The following GSK3B variants were observed in gnomAD, a reference collection of about 807,000 sequenced individuals.
The protein encoded by GSK3B is glycogen synthase kinase 3 beta, also known as glycogen synthase kinase-3 beta.
In GSK3B, 15 loss-of-function variants were observed where a neutral mutation model predicts 56.4. That is an observed-to-expected ratio of 0.27 (90% confidence interval 0.18 to 0.41). The LOEUF is 0.41. GSK3B is among the 10% of genes least tolerant of loss of function. The pLI is 1.00. For missense variants in GSK3B, 300 were observed against 513.4 expected (o/e 0.58, Z 4.02); for synonymous variants, 181 against 188.9 (o/e 0.96, Z 0.34).
At position 120,079,344 on chromosome 3, in the gene GSK3B, ACACACAT is replaced by A. The variant is rs766107527; in HGVS notation, c.88+13996_88+14002del. ...CACACACACACACACACACACACACACACACATTTTTTTTTTTAATAAGTAGACTACT... is the reference window on the plus strand; with the variant it reads ...CACACACACACACACACACACACACATTTTTTTTTTAATAAGTAGACTACT... On this transcript the variant is annotated intron_variant, in intron 1 of 10. Transcript: ENST00000264235. 1.1e-4 allele frequency among the ~76,000 whole-genome samples: 14 copies of A among 126,096 alleles called. No homozygotes were observed. The East Asian group carries it at 1.4e-3, about 13-fold the overall frequency. 82.7% of individuals were successfully genotyped at this position (126,096 alleles called of 152,430 possible).
chr3:120,077,691 T>C (rs1442233609), intron 1 of GSK3B, among the ~76,000 whole-genome samples: 1 of 152,136 alleles, frequency 6.6e-6, no homozygotes, highest in African/African-American at 2.4e-5. Flanking sequence ...GAGATGGAGA[T>C]GTTAATTTCT....
chr3:119,890,493 G>A (rs894679238), intron 7 of GSK3B, among the ~76,000 whole-genome samples: 1 of 152,060 alleles, frequency 6.6e-6, no homozygotes, highest in Non-Finnish European at 1.5e-5. Context: ...CCACAAAGGA[G>A]AATGAACAGG....
At chr3:120,058,929 G>C (rs943472222) in intron 1 of GSK3B, among the ~76,000 whole-genome samples, 2 of 150,472 alleles carry the variant, frequency 1.3e-5, no homozygotes, top group African/African-American at 2.5e-5. Context: ...AGGATTGCTT[G>C]AACCCAGGAA....
At chr3:120,005,349 C>T (rs2057717667) in intron 1 of GSK3B, among the ~76,000 whole-genome samples, 2 of 152,184 alleles carry the variant, frequency 1.3e-5, no homozygotes, top group South Asian at 4.1e-4. Flanking sequence ...TTAGAAACCA[C>T]TCTTAAGGAT....
intron 9 of GSK3B, among the ~76,000 whole-genome samples, chr3:119,858,605 TTG>T (rs1426954556): frequency 6.6e-6 from 1 of 152,198 alleles, no homozygotes; most frequent in Non-Finnish European, 1.5e-5. Flanking sequence ...ATTTACTTCT[TTG>T]TGTGTTCACT....
At chr3:120,049,399 G>A (rs12630592) in intron 1 of GSK3B, among the ~76,000 whole-genome samples, 1 of 151,956 alleles carries the variant, frequency 6.6e-6, no homozygotes, top group Non-Finnish European at 1.5e-5. Context: ...CAACAAAAGC[G>A]GTAGAGGGTA....
intron 9 of GSK3B, among the ~76,000 whole-genome samples, chr3:119,859,823 A>T (rs764485413): frequency 1.3e-5 from 2 of 152,054 alleles, no homozygotes; most frequent in Non-Finnish European, 2.9e-5. Context: ...GCTGCCCCAA[A>T]TATCCTGTTT....
intron 1 of GSK3B, among the ~76,000 whole-genome samples, chr3:120,008,434 C>T (rs1331400583): frequency 1.3e-5 from 2 of 152,206 alleles, no homozygotes; most frequent in Non-Finnish European, 2.9e-5. Flanking sequence ...AAGCTGGAGG[C>T]ATCATGTAAC....
At chr3:120,044,523 C>T (rs1005061072) in intron 1 of GSK3B, among the ~76,000 whole-genome samples, 3 of 152,102 alleles carry the variant, frequency 2.0e-5, no homozygotes, top group Non-Finnish European at 4.4e-5. Context: ...AAGAGAAGCC[C>T]CTTATGGGTC....
chr3:119,865,499 T>G, intron 8 of GSK3B, among the ~76,000 whole-genome samples: 1 of 126,214 alleles, frequency 7.9e-6, no homozygotes, highest in Non-Finnish European at 1.6e-5. Flanking sequence ...TGAGATGGAG[T>G]CTTCCTGTCA....
intron 9 of GSK3B, among the ~76,000 whole-genome samples, chr3:119,844,213 C>T (rs1363084933): frequency 2.6e-5 from 4 of 152,050 alleles, no homozygotes; most frequent in African/African-American, 9.7e-5. Flanking sequence ...TAAATGCCCA[C>T]AGGAGAAAGC....
intron 2 of GSK3B, among the ~76,000 whole-genome samples, chr3:119,998,835 T>C (rs2057649230): frequency 6.6e-6 from 1 of 152,100 alleles, no homozygotes; most frequent in South Asian, 2.1e-4. Flanking sequence ...AAAATAATTT[T>C]TCACCTACAG....
At chr3:119,874,613 G>A (rs1319698293) in intron 8 of GSK3B, among the ~76,000 whole-genome samples, 1 of 151,780 alleles carries the variant, frequency 6.6e-6, no homozygotes, top group East Asian at 1.9e-4. Flanking sequence ...ATATTTGTCA[G>A]AAACTCTATA....
At chr3:119,971,097 T>G (rs1390871040) in intron 2 of GSK3B, among the ~76,000 whole-genome samples, 1 of 152,202 alleles carries the variant, frequency 6.6e-6, no homozygotes, top group East Asian at 1.9e-4. Flanking sequence ...GTTTAATCAT[T>G]AACTTTCTTA....
chr3:119,930,719 A>G (rs2056937833), intron 3 of GSK3B, among the ~76,000 whole-genome samples: 1 of 152,268 alleles, frequency 6.6e-6, no homozygotes, highest in African/African-American at 2.4e-5. Flanking sequence ...GTAATTGAAC[A>G]GAACTCAAAA....
chr3:119,885,361 G>A (rs1314053294), intron 7 of GSK3B, among the ~76,000 whole-genome samples: 1 of 152,112 alleles, frequency 6.6e-6, no homozygotes, highest in Non-Finnish European at 1.5e-5. Context: ...ACTGCTAAGA[G>A]AAATCACAGA....
intron 7 of GSK3B, among the ~76,000 whole-genome samples, chr3:119,882,236 A>T (rs2056387974): frequency 6.6e-6 from 1 of 152,158 alleles, no homozygotes; most frequent in African/African-American, 2.4e-5. Context: ...GTTGAGAAAC[A>T]TATGCTTATA....
intron 1 of GSK3B, among the ~76,000 whole-genome samples, chr3:120,012,613 T>C (rs2057788847): frequency 6.6e-6 from 1 of 152,196 alleles, no homozygotes; most frequent in Admixed American, 6.5e-5. Context: ...AGACCCCTCA[T>C]GACGCAATGA....
chr3:119,885,743 A>T (rs1375271636), intron 7 of GSK3B, among the ~76,000 whole-genome samples: 1 of 152,062 alleles, frequency 6.6e-6, no homozygotes, highest in Non-Finnish European at 1.5e-5. Context: ...CCCAGAAATA[A>T]AGCCACACAC....
Sources: gnomAD v4.1 joint callset for allele counts (sites outside exome capture counted in the v4.1 genomes callset) on GRCh38, gnomAD v4.1.1 for gene constraint, MANE v1.5 for transcripts, NCBI Gene and HGNC (gene_info 2026-07-23, HGNC 2026-07-21) for gene names.